Variants in TIGAR observed in about 807,000 individuals in gnomAD.
TIGAR encodes the protein TP53 induced glycolysis regulatory phosphatase.
In TIGAR, 7 loss-of-function variants were observed where a neutral mutation model predicts 17.9. That is an observed-to-expected ratio of 0.39 (90% CI 0.22 to 0.73). The LOEUF (loss-of-function observed/expected upper bound fraction) is 0.73, where lower values mean the gene tolerates loss of function less well. TIGAR is among the 30% of genes least tolerant of loss of function. The pLI, the probability that TIGAR is intolerant of heterozygous loss-of-function variation, is 0.42. For missense variants in TIGAR, 258 were observed against 327.4 expected (o/e 0.79, Z 1.64); for synonymous variants, 94 against 108.6 (o/e 0.87, Z 0.84).
At chr12:4,322,308 T>G (rs1008027252) in intron 1 of TIGAR, among the ~76,000 whole-genome samples, 2 of 152,174 alleles carry the variant, frequency 1.3e-5, no homozygotes, top group Non-Finnish European at 2.9e-5. Flanking sequence ...AGAGCACAGA[T>G]TTTTCAGGCA....
At chr12:4,324,772 G>T in intron 1 of TIGAR, 1 of 669,032 alleles carries the variant, frequency 1.5e-6, no homozygotes. Context: ...CGGTAGGTGA[G>T]TTTGCGGAAG....
At position 4,327,188 on chromosome 12, in the gene TIGAR, C is replaced by T. The variant is rs552170437; in HGVS notation, c.33-4092C>T. 1.3e-3 allele frequency among the ~76,000 whole-genome samples: 203 copies of T among 152,248 alleles called. 1 individual carries two copies. Among genetic ancestry groups the T allele is most frequent in the African/African-American group, 4.4e-3 (183 of 41,548 alleles). The stretch of plus-strand genomic sequence containing the variant: ...CTTTGGGAGGCCGAGGCAGGAGGAT[C>T]ACCTTAGGTCAGGAGTTAGAGACCA... On this transcript the variant is annotated intron_variant, in intron 1 of 5. Coordinates refer to ENST00000179259, the MANE Select transcript of TIGAR (RefSeq NM_020375.3).
chr12:4,349,957 G>C, intron 4 of TIGAR, 61 bp downstream of exon 4: 1 of 1,196,428 alleles, frequency 8.4e-7, no homozygotes. Context: ...ACCTCAGTTT[G>C]TCACTTGGCT....
At chr12:4,341,342 G>A (rs917409001) in intron 3 of TIGAR, among the ~76,000 whole-genome samples, 7 of 152,288 alleles carry the variant, frequency 4.6e-5, no homozygotes, top group South Asian at 4.1e-4. Flanking sequence ...CGTGAGCGAC[G>A]CAGAAGACGG....
intron 1 of TIGAR, among the ~76,000 whole-genome samples, chr12:4,322,896 G>C (rs902600342): frequency 6.6e-6 from 1 of 152,076 alleles, no homozygotes; most frequent in African/African-American, 2.4e-5. Flanking sequence ...ACAGGAACTA[G>C]AGGCCTGATC....
intron 2 of TIGAR, among the ~76,000 whole-genome samples, chr12:4,336,801 C>T (rs1462167061): frequency 1.3e-5 from 2 of 152,166 alleles, no homozygotes; most frequent in African/African-American, 4.8e-5. Flanking sequence ...TCTATCTCAT[C>T]ATCACCTAAT....
intron 1 of TIGAR, among the ~76,000 whole-genome samples, chr12:4,326,487 CTTTAATA>C (rs1322958297): frequency 2.6e-5 from 4 of 152,290 alleles, no homozygotes; most frequent in East Asian, 3.9e-4. Flanking sequence ...GATTCCTACT[CTTTAATA>C]TTTATAAAGT....
intron 4 of TIGAR, 53 bp from the exon 5 acceptor site, chr12:4,351,210 CTTAA>C: frequency 6.5e-7 from 1 of 1,527,112 alleles, no homozygotes; most frequent in Admixed American, 1.7e-5. Flanking sequence ...TAAACATAAA[CTTAA>C]TTGTTATATT....
At chr12:4,341,779 A>G (rs924677870) in intron 3 of TIGAR, among the ~76,000 whole-genome samples, 1 of 152,180 alleles carries the variant, frequency 6.6e-6, no homozygotes, top group Non-Finnish European at 1.5e-5. Flanking sequence ...TAAAACCACA[A>G]AGATGGGGAA....
At chr12:4,347,929 A>C (rs1591665242) in intron 3 of TIGAR, among the ~76,000 whole-genome samples, 2 of 152,106 alleles carry the variant, frequency 1.3e-5, no homozygotes, top group East Asian at 3.8e-4. Flanking sequence ...TGAGCTCAGG[A>C]GTTTGAGACC....
chr12:4,330,165 T>C (rs1399396459), intron 1 of TIGAR, among the ~76,000 whole-genome samples: 1 of 152,208 alleles, frequency 6.6e-6, no homozygotes, highest in Non-Finnish European at 1.5e-5. Context: ...TAGATTTTTT[T>C]TTCTAGATCT....
chr12:4,336,902 A>G, intron 2 of TIGAR, 137 bp from the exon 3 acceptor site: 1 of 1,037,620 alleles, frequency 9.6e-7, no homozygotes, highest in Non-Finnish European at 1.3e-6. Flanking sequence ...TAACTCCCTG[A>G]AAAGTTACGT....
At chr12:4,340,523 A>AT (rs1864708412) in intron 3 of TIGAR, among the ~76,000 whole-genome samples, 1 of 152,246 alleles carries the variant, frequency 6.6e-6, no homozygotes, top group Admixed American at 6.5e-5. Context: ...TACCAATGAC[A>AT]TTCTTCACAG....
rs1369639705 is a variant in TIGAR, at chr12:4,354,259, G to A, written c.*1568G>A. 3 of 152,132 alleles carry A rather than the reference G, an allele frequency of 2.0e-5. No individual in the cohort carries two copies. Among genetic ancestry groups the A allele is most frequent in the Non-Finnish European group, 2.9e-5 (2 of 68,028 alleles). The allele number at this position is 152,132 out of a possible 1,614,324, so 9.4% of individuals were successfully genotyped here. Reference sequence around the variant, plus strand: ...GTATTGAAACAGGGCACGTGTTTGAGCATCAGAGGAAGTATACTGTAAATA... The same window carrying A: ...GTATTGAAACAGGGCACGTGTTTGAACATCAGAGGAAGTATACTGTAAATA... On this transcript the variant is annotated 3_prime_UTR_variant, in exon 6 of 6. Coordinates refer to ENST00000179259, the MANE Select transcript of TIGAR (RefSeq NM_020375.3).
intron 2 of TIGAR, chr12:4,335,761 A>G (rs975035029): frequency 6.6e-6 from 1 of 152,260 alleles, no homozygotes; most frequent in African/African-American, 2.4e-5. Flanking sequence ...TAGAACTCTA[A>G]TATATCTGAG....
chr12:4,360,000 T>A lies in TIGAR; in HGVS notation c.*7309T>A, dbSNP rs932416418. Among the ~76,000 whole-genome samples, 1 of 152,196 alleles carries A rather than the reference T, an allele frequency of 6.6e-6. No individual in the cohort carries two copies. Among genetic ancestry groups the A allele is most frequent in the African/African-American group, 2.4e-5 (1 of 41,444 alleles). ...CATTCATACAGCTTTCTTTGTGAAA[T>A]GTGTATTAAAATCTTATCCATTAAA... On this transcript the variant is annotated 3_prime_UTR_variant, in exon 6 of 6. Transcript: ENST00000179259.
chr12:4,332,238 C>CTTTTT (rs777711454), intron 2 of TIGAR, among the ~76,000 whole-genome samples: 1,092 of 95,244 alleles, frequency 0.011, 22 homozygotes, highest in East Asian at 0.014. Flanking sequence ...TCATGTATTT[C>CTTTTT]TTTTTTTTTT....
At chr12:4,336,932 CT>C in intron 2 of TIGAR, 106 bp from the exon 3 acceptor site, 1 of 1,280,308 alleles carries the variant, frequency 7.8e-7, no homozygotes, top group Non-Finnish European at 1.0e-6. Context: ...CTTAAAAAAT[CT>C]TTCATTAAAA....
At chr12:4,329,328 C>CTTTTTTTTTT (rs34584528) in intron 1 of TIGAR, among the ~76,000 whole-genome samples, 2 of 73,240 alleles carry the variant, frequency 2.7e-5, no homozygotes, top group Non-Finnish European at 4.8e-5. Context: ...AGCTAATGAT[C>CTTTTTTTTTT]TTTTTTTTTT....
Sources: gnomAD v4.1 joint callset for allele counts (sites outside exome capture counted in the v4.1 genomes callset) on GRCh38, gnomAD v4.1.1 for gene constraint, MANE v1.5 for transcripts, NCBI Gene and HGNC (gene_info 2026-07-23, HGNC 2026-07-21) for gene names.